The following OLA1 variants were observed in gnomAD, a reference collection of about 807,000 sequenced individuals.
The protein encoded by OLA1 is obg-like ATPase 1.
OLA1 carries 14 observed loss-of-function variants against 48.4 expected under a neutral mutation model. The ratio of observed to expected loss-of-function variants is 0.29; its 90% CI spans 0.19 to 0.45. The LOEUF is 0.45. Among genes scored for constraint, OLA1 ranks in the 20% least tolerant of loss-of-function variants. The pLI is 1.00. For synonymous variants in OLA1, 127 were observed against 150.4 expected (o/e 0.84, Z 1.14); for missense variants, 325 against 467.1 (o/e 0.70, Z 2.80).
In OLA1 at chr2:174,188,061, T is replaced by C. The variant is rs535478963; in HGVS notation, c.373+34972A>G. Among the ~76,000 whole-genome samples the C allele has an allele frequency of 4.4e-4, 67 of 152,288 alleles. No homozygotes were observed. In the Middle Eastern group the frequency reaches 0.01, roughly 23 times the overall value. On this transcript the variant is annotated intron_variant, in intron 4 of 10. Coordinates refer to ENST00000284719, the MANE Select transcript of OLA1 (RefSeq NM_013341.5). ...ACCAGTGGTTAAACGGCCAAAATGG[T>C]TCTGAATCAAGGTGATCATGATAAA...
chr2:174,225,531 A>C (rs1338459377), intron 3 of OLA1, among the ~76,000 whole-genome samples: 1 of 152,122 alleles, frequency 6.6e-6, no homozygotes, highest in African/African-American at 2.4e-5. Context: ...CCTGGGCAAC[A>C]ATGGCGAAAC....
At chr2:174,196,061 T>C (rs1687873234) in intron 4 of OLA1, among the ~76,000 whole-genome samples, 1 of 152,178 alleles carries the variant, frequency 6.6e-6, no homozygotes, top group Non-Finnish European at 1.5e-5. Context: ...TATGGTTCTC[T>C]AAGCATCTAG....
intron 7 of OLA1, among the ~76,000 whole-genome samples, chr2:174,103,496 G>A (rs552669434): frequency 6.6e-6 from 1 of 152,284 alleles, no homozygotes; most frequent in South Asian, 2.1e-4. Context: ...ATTATAGACA[G>A]TATGTGCTAA....
rs145499289 is a variant in OLA1 at position 174,116,813 on chromosome 2, C to T, written c.728+6367G>A. Among the ~76,000 whole-genome samples the T allele has an allele frequency of 7.9e-3, 1,206 of 152,246 alleles. 17 individuals are homozygous for T. Among genetic ancestry groups the T allele is most frequent in the African/African-American group, 0.027 (1,138 of 41,534 alleles). ...TTTACTAACTTGCACTGCCTCACCC[C>T]CAACACATACATACATACATTCATA... On this transcript the variant is annotated intron_variant, in intron 7 of 10. Transcript: ENST00000284719.
chr2:174,232,433 GAAAT>G (rs1233356540), intron 2 of OLA1, among the ~76,000 whole-genome samples: 6 of 152,136 alleles, frequency 3.9e-5, no homozygotes, highest in African/African-American at 1.4e-4. Flanking sequence ...TAAGATGACA[GAAAT>G]AAATGCCAAT....
At chr2:174,162,261 G>T (rs1453385410) in intron 4 of OLA1, among the ~76,000 whole-genome samples, 1 of 152,132 alleles carries the variant, frequency 6.6e-6, no homozygotes, top group Non-Finnish European at 1.5e-5. Context: ...TGAGTACCAG[G>T]CAGAAAATGG....
At chr2:174,105,293 C>G (rs1236884934) in intron 7 of OLA1, among the ~76,000 whole-genome samples, 1 of 151,940 alleles carries the variant, frequency 6.6e-6, no homozygotes, top group African/African-American at 2.4e-5. Context: ...TATACTTAAT[C>G]TGGTGATGTA....
intron 2 of OLA1, among the ~76,000 whole-genome samples, chr2:174,237,356 C>T (rs1223637438): frequency 4.6e-5 from 7 of 152,072 alleles, no homozygotes; most frequent in Non-Finnish European, 1.0e-4. Flanking sequence ...GATAACAATG[C>T]TTCCTTCTGG....
chr2:174,106,262 A>T (rs1685512656), intron 7 of OLA1, among the ~76,000 whole-genome samples: 1 of 152,138 alleles, frequency 6.6e-6, no homozygotes, highest in African/African-American at 2.4e-5. Flanking sequence ...AAATTCATTA[A>T]CTAAAAACAA....
chr2:174,186,549 A>C (rs1687659027), intron 4 of OLA1, among the ~76,000 whole-genome samples: 1 of 152,168 alleles, frequency 6.6e-6, no homozygotes, highest in Admixed American at 6.5e-5. Flanking sequence ...TCATACCCAG[A>C]TTCCCCCAGG....
chr2:174,208,323 C>T (rs1242338422), intron 4 of OLA1, among the ~76,000 whole-genome samples: 2 of 152,134 alleles, frequency 1.3e-5, no homozygotes, highest in African/African-American at 4.8e-5. Flanking sequence ...CAAGGGTCTA[C>T]TATAATGCCT....
At chr2:174,155,942 C>T (rs1374219735) in intron 4 of OLA1, among the ~76,000 whole-genome samples, 1 of 152,114 alleles carries the variant, frequency 6.6e-6, no homozygotes, top group Non-Finnish European at 1.5e-5. Context: ...CATCTGGATT[C>T]AAATCTGGAT....
At chr2:174,081,315 A>T in intron 8 of OLA1, 67 bp from the exon 9 acceptor site, 1 of 1,130,716 alleles carries the variant, frequency 8.8e-7, no homozygotes. Context: ...GTATAGAGCT[A>T]AAATTATTCA....
rs180868925 is a variant in OLA1 at position 174,217,894 on chromosome 2, A to G, written c.373+5139T>C. The G allele has an allele frequency of 2.8e-4, 42 of 152,292 alleles. No individual in the cohort carries two copies. The East Asian group carries it at 7.5e-3, about 27-fold the overall frequency. The allele number at this position is 152,292 out of a possible 1,614,324, so 9.4% of individuals were successfully genotyped here. A position where few individuals can be genotyped will look rare whatever the true frequency, so the allele number is the denominator to read the frequency against. ...TACCTGCTATATAAAATTAGTCCAC[A>G]TTTGCTGCAAACTGGGCTTACACAC... On this transcript the variant is annotated intron_variant, in intron 4 of 10. Transcript: ENST00000284719.
intron 2 of OLA1, among the ~76,000 whole-genome samples, chr2:174,232,395 G>A (rs956302524): frequency 6.6e-6 from 1 of 152,132 alleles, no homozygotes; most frequent in Non-Finnish European, 1.5e-5. Context: ...ACTGTTAAAA[G>A]CATCTATCTG....
intron 2 of OLA1, among the ~76,000 whole-genome samples, chr2:174,244,220 GAAGT>G (rs1028632433): frequency 1.3e-5 from 2 of 152,184 alleles, no homozygotes; most frequent in African/African-American, 4.8e-5. Flanking sequence ...ACAGTTGTGT[GAAGT>G]AAGATCATTC....
chr2:174,174,643 A>G (rs1407650650), intron 4 of OLA1, among the ~76,000 whole-genome samples: 2 of 152,062 alleles, frequency 1.3e-5, no homozygotes, highest in Admixed American at 6.5e-5. Context: ...GTAACCTATA[A>G]AATACTGTTG....
At chr2:174,152,455 A>G (rs1328908902) in intron 4 of OLA1, among the ~76,000 whole-genome samples, 4 of 152,128 alleles carry the variant, frequency 2.6e-5, no homozygotes, top group Non-Finnish European at 4.4e-5. Context: ...ATCTCAATTT[A>G]TTATATTCAC....
intron 7 of OLA1, among the ~76,000 whole-genome samples, chr2:174,102,466 T>G (rs756100736): frequency 1.3e-5 from 2 of 150,424 alleles, no homozygotes; most frequent in African/African-American, 2.5e-5. Flanking sequence ...CAGAAGAGGG[T>G]GTCATGAAGT....
Sources: gnomAD v4.1 joint callset for allele counts (sites outside exome capture counted in the v4.1 genomes callset) on GRCh38, gnomAD v4.1.1 for gene constraint, MANE v1.5 for transcripts, NCBI Gene and HGNC (gene_info 2026-07-23, HGNC 2026-07-21) for gene names.